Variants in PNCK observed in about 807,000 individuals in gnomAD.
PNCK encodes calcium/calmodulin-dependent protein kinase type 1B.
Under a neutral mutation model 28.3 loss-of-function variants are expected in PNCK, and 21 were observed. The ratio of observed to expected loss-of-function variants is 0.74; its 90% CI spans 0.53 to 1.07. The LOEUF is 1.07. PNCK is among the 50% of genes least tolerant of loss of function. The pLI is 0.00. For missense variants in PNCK, 250 were observed against 298.3 expected (o/e 0.84, Z 1.19); for synonymous variants, 136 against 125.2 (o/e 1.09, Z -0.58).
At chrX:153,675,987 C>CTTTTTTTTTTTTT (rs59527995), upstream of PNCK, among the ~76,000 whole-genome samples, 17 of 79,940 alleles carry the variant, frequency 2.1e-4, no homozygotes, top group East Asian at 3.9e-4. Context: ...TTTTTCTTTT[C>CTTTTTTTTTTTTT]TTTTTTTTTT....
At chrX:153,684,383 T>G (rs2091408123) in intron 1 of PNCK, among the ~76,000 whole-genome samples, 1 of 112,548 alleles carries the variant, frequency 8.9e-6, no homozygotes. Flanking sequence ...CAAAGCCTCC[T>G]TTCTGCGGGT....
chrX:153,677,633 G>GTA (rs201512552), upstream of PNCK, among the ~76,000 whole-genome samples: 19 of 98,808 alleles, frequency 1.9e-4, no homozygotes, highest in Non-Finnish European at 3.8e-4. Context: ...TATATAGTGT[G>GTA]TATATATATA....
chrX:153,671,464 G>A lies in PNCK; in HGVS notation c.538+85C>T, dbSNP rs370636003. On this transcript the variant is annotated intron_variant, in intron 6 of 11. Coordinates refer to ENST00000340888, the MANE Select transcript of PNCK (RefSeq NM_001366977.1). ...CAAGCCCAGGAATGGCCCACACAAA[G>A]GCAACGGGCACAACAGCCTTCCCGG... 7.2e-5 allele frequency: 87 copies of A among 1,209,675 alleles called. No homozygotes were observed. The African/African-American group carries it at 1.5e-3, about 20-fold the overall frequency.
chrX:153,687,465 T>A, exon 1 of PNCK: 1 of 327,999 alleles, frequency 3.0e-6, no homozygotes, highest in Non-Finnish European at 5.9e-6. Context: ...GCTTCCAGGG[T>A]AGCCGGGAAG....
chrX:153,675,998 T>C (rs1178259294), upstream of PNCK, among the ~76,000 whole-genome samples: 1 of 103,431 alleles, frequency 9.7e-6, no homozygotes, highest in African/African-American at 3.5e-5. Context: ...TTTTTTTTTT[T>C]TTTTTTTTGA....
At position 153,672,365 on chromosome X, in the gene PNCK, C is replaced by T; in HGVS notation, c.201-165G>A. 4.8e-6 allele frequency: 4 copies of T among 828,386 alleles called. No individual in the cohort carries two copies. The South Asian group carries it at 7.9e-5, about 16-fold the overall frequency. 68.3% of individuals were successfully genotyped at this position (828,386 alleles called of 1,213,427 possible). A position where few individuals can be genotyped will look rare whatever the true frequency, so the allele number is the denominator to read the frequency against. On this transcript the variant is annotated intron_variant, in intron 3 of 11. Coordinates refer to ENST00000340888, the MANE Select transcript of PNCK (RefSeq NM_001366977.1). ...CAGGAAGGCAGAGCTCCAGCCTGAG[C>T]CCCGGCCTTCCTTCTAAAGCCCATT...
intron 1 of PNCK, 149 bp from the exon 2 acceptor site, chrX:153,673,227 G>A: frequency 8.4e-7 from 1 of 1,193,678 alleles, no homozygotes; most frequent in Non-Finnish European, 1.1e-6. Flanking sequence ...CACACCCCCA[G>A]ACGGACGCCT....
intron 1 of PNCK, among the ~76,000 whole-genome samples, chrX:153,681,901 A>G (rs1557042528): frequency 9.0e-6 from 1 of 111,565 alleles, no homozygotes; most frequent in African/African-American, 3.3e-5. Flanking sequence ...AACGTTCACT[A>G]TTCAGGTTGT....
At position 153,671,573 on chromosome X, in the gene PNCK, C is replaced by A; in HGVS notation, c.514G>T (p.Ala172Ser). Residue 172 changes from alanine (A) to serine (S), a missense_variant, in exon 6 of 12, where the codon GCC becomes TCC. By Grantham distance (99) the Ala-to-Ser change is moderately conservative. Transcript: ENST00000340888. ...CCCACATATCCAGGGGTCCCACAGG[C>A]GGTGCCTAGCATGTTCCCAGCCTGG... ...KIQAGNMLGTACGTPGYVAPE... is the reference protein window; with the variant it reads ...KIQAGNMLGTSCGTPGYVAPE... The A allele has an allele frequency of 1.7e-6, 2 of 1,211,838 alleles. No individual in the cohort carries two copies. Among genetic ancestry groups the A allele is most frequent in the Non-Finnish European group, 2.2e-6 (2 of 895,462 alleles).
intron 1 of PNCK, among the ~76,000 whole-genome samples, chrX:153,685,410 G>A (rs1261710234): frequency 2.7e-5 from 3 of 110,415 alleles, no homozygotes; most frequent in Admixed American, 9.4e-5. Flanking sequence ...CCAGAGCTCC[G>A]GCCGGAGCTC....
At chrX:153,682,633 A>AACTGATGACATTCCACCATTGTGATTT (rs2091400403) in intron 1 of PNCK, among the ~76,000 whole-genome samples, 1 of 111,797 alleles carries the variant, frequency 8.9e-6, no homozygotes, top group South Asian at 3.7e-4. Context: ...AAATAGCCTT[A>AACTGATGACATTCCACCATTGTGATTT]ACTGATGACA....
intron 1 of PNCK, among the ~76,000 whole-genome samples, chrX:153,681,097 G>A (rs1318394824): frequency 9.3e-6 from 1 of 107,496 alleles, no homozygotes; most frequent in Non-Finnish European, 1.9e-5. Context: ...AATGGTCCAA[G>A]ATGGAAAATT....
intron 1 of PNCK, among the ~76,000 whole-genome samples, chrX:153,681,306 C>T (rs188239357): frequency 1.0e-3 from 117 of 111,446 alleles, no homozygotes; most frequent in African/African-American, 3.8e-3. Context: ...CCTCACGGAG[C>T]GGCTTCCTTC....
upstream of PNCK, among the ~76,000 whole-genome samples, chrX:153,677,727 A>T (rs781866955): frequency 4.1e-5 from 4 of 97,506 alleles, no homozygotes; most frequent in African/African-American, 1.6e-4. Flanking sequence ...GCATATATAT[A>T]GTGTATATAT....
Position 153,673,095 on chromosome X carries a change from G to A in PNCK, c.-2-17C>T. The A allele has an allele frequency of 8.5e-7, 1 of 1,182,693 alleles. No homozygotes were observed. ...GCAGCATGTCTGCAGGGGCAGGGGA[G>A]AGGTGATGGGGGTCTCTCCCCGCCC... On this transcript the variant is annotated splice_polypyrimidine_tract_variant and intron_variant, in intron 1 of 11. Coordinates refer to ENST00000340888, the MANE Select transcript of PNCK (RefSeq NM_001366977.1).
At chrX:153,674,160 C>T (rs782411106), upstream of PNCK, 4 of 1,206,679 alleles carry the variant, frequency 3.3e-6, no homozygotes, top group Non-Finnish European at 3.4e-6. Context: ...GCCACTTGCC[C>T]GAAAGCAGCC....
At chrX:153,673,414 A>C in intron 1 of PNCK, 8 of 640,886 alleles carry the variant, frequency 1.2e-5, no homozygotes, top group African/African-American at 2.6e-5. Flanking sequence ...CCCCATCCAC[A>C]CATCTACAGC....
chrX:153,683,180 G>T (rs907907487), intron 1 of PNCK, among the ~76,000 whole-genome samples: 3 of 112,381 alleles, frequency 2.7e-5, no homozygotes, highest in Non-Finnish European at 5.6e-5. Context: ...TCGCTCTGTC[G>T]CCCAGGCTGG....
upstream of PNCK, among the ~76,000 whole-genome samples, chrX:153,677,629 G>C (rs12382560): frequency 3.2e-5 from 3 of 93,094 alleles, no homozygotes; most frequent in Non-Finnish European, 6.2e-5. Flanking sequence ...TATATATATA[G>C]TGTGTATATA....
Sources: allele counts gnomAD v4.1 joint callset (sites outside exome capture counted in the v4.1 genomes callset), GRCh38; gene constraint gnomAD v4.1.1; transcripts MANE v1.5; gene names NCBI Gene and HGNC (gene_info 2026-07-23, HGNC 2026-07-21).